The following ANKRD28 variants were observed in gnomAD, a reference collection of about 807,000 sequenced individuals.
ANKRD28 encodes the protein serine/threonine-protein phosphatase 6 regulatory ankyrin repeat subunit A.
In ANKRD28, 44 loss-of-function variants were observed where a neutral mutation model predicts 126.5. That is an observed-to-expected ratio of 0.35 (90% CI 0.27 to 0.45). The LOEUF (loss-of-function observed/expected upper bound fraction) is 0.45, where lower values mean the gene tolerates loss of function less well. ANKRD28 is among the 20% of genes least tolerant of loss of function. The probability of loss-of-function intolerance (pLI) is 1.00; values close to 1 mark genes in which losing one functional copy is unlikely to be tolerated. For missense variants in ANKRD28, 1,110 were observed against 1,316.6 expected (o/e 0.84, Z 2.43); for synonymous variants, 442 against 468.5 (o/e 0.94, Z 0.73).
chr3:15,828,767 G>A (rs1228924914), intron 1 of ANKRD28, among the ~76,000 whole-genome samples: 1 of 152,098 alleles, frequency 6.6e-6, no homozygotes, highest in East Asian at 1.9e-4. Flanking sequence ...CTTGTTCACT[G>A]ACTTCACAGA....
rs1393025990 is a variant in ANKRD28, at chr3:15,796,537, A to G, written c.-16T>C. The G allele has an allele frequency of 2.4e-6, 3 of 1,276,588 alleles. No homozygotes were observed. The African/African-American group carries it at 4.6e-5, about 20-fold the overall frequency. The allele number at this position is 1,276,588 out of a possible 1,614,324, so 79.1% of individuals were successfully genotyped here. The stretch of plus-strand genomic sequence containing the variant: ...CTCGACTCATTCGATCTTTTAAAAC[A>G]CTAAATTCCAAGCTATGTGATAAAA... On this transcript the variant is annotated 5_prime_UTR_variant, in exon 1 of 28. Coordinates refer to ENST00000683139, the MANE Select transcript of ANKRD28 (RefSeq NM_001349278.2).
At position 15,695,228 on chromosome 3, in the gene ANKRD28, C is replaced by A; in HGVS notation, c.1660-14G>T. On this transcript the variant is annotated splice_polypyrimidine_tract_variant and intron_variant, in intron 15 of 27. Coordinates refer to ENST00000683139, the MANE Select transcript of ANKRD28 (RefSeq NM_001349278.2). ...TTCACTTGCAATCTGAAATAAAAGTCAAAACAAAAATATTTAGCTTGGGAA... is the reference window on the plus strand; with the variant it reads ...TTCACTTGCAATCTGAAATAAAAGTAAAAACAAAAATATTTAGCTTGGGAA... 1 of 1,561,434 alleles carries A rather than the reference C, an allele frequency of 6.4e-7. No individual in the cohort carries two copies. The highest frequency in any genetic ancestry group is 1.2e-5 in the South Asian group (1 of 85,514).
intron 1 of ANKRD28, among the ~76,000 whole-genome samples, chr3:15,824,479 C>A (rs2061016386): frequency 6.6e-6 from 1 of 152,084 alleles, no homozygotes; most frequent in Non-Finnish European, 1.5e-5. Flanking sequence ...AACAAACTAT[C>A]AGAGCTAATG....
chr3:15,728,988 A>AC (rs1278009749), intron 6 of ANKRD28, among the ~76,000 whole-genome samples: 3 of 152,146 alleles, frequency 2.0e-5, no homozygotes, highest in Non-Finnish European at 4.4e-5. Context: ...TTACTCAAGG[A>AC]CCCAGGCTCA....
In ANKRD28 at chr3:15,714,661, G is replaced by A. The variant is rs185743315; in HGVS notation, c.997-5C>T. 7.6e-6 allele frequency: 12 copies of A among 1,576,954 alleles called. No individual in the cohort carries two copies. The highest frequency in any genetic ancestry group is 6.0e-5 in the Admixed American group (3 of 49,820). ...TGGGGTTTTCCCATCTTTACTCTGG[G>A]GGGGGAAGAAAAAAATTACTCACTC... On this transcript the variant is annotated splice_region_variant and splice_polypyrimidine_tract_variant and intron_variant, in intron 8 of 27. Coordinates refer to ENST00000683139, the MANE Select transcript of ANKRD28 (RefSeq NM_001349278.2).
chr3:15,760,939 GA>G (rs1390013750), intron 3 of ANKRD28, among the ~76,000 whole-genome samples: 3 of 152,070 alleles, frequency 2.0e-5, no homozygotes, highest in Non-Finnish European at 4.4e-5. Context: ...ACCAATTGGA[GA>G]AAATATAAAT....
intron 4 of ANKRD28, 73 bp from the exon 5 acceptor site, chr3:15,737,306 G>C (rs558209481): frequency 1.6e-6 from 2 of 1,256,254 alleles, no homozygotes; most frequent in African/African-American, 3.0e-5. Flanking sequence ...TATAGTGTGC[G>C]TGTGTGTGTA....
rs1467619511 is a variant in ANKRD28, at chr3:15,684,022, T to C, written c.2389+1204A>G. 2.6e-5 allele frequency: 4 copies of C among 152,348 alleles called. No homozygotes were observed. The East Asian group carries it at 7.7e-4, about 29-fold the overall frequency. 9.4% of individuals were successfully genotyped at this position (152,348 alleles called of 1,614,324 possible). A position where few individuals can be genotyped will look rare whatever the true frequency, so the allele number is the denominator to read the frequency against. ...ATTAGAATTGTGAACTACAGCTTTGTAGATCTGCTGTCATAATTAACATTA... is the reference window on the plus strand; with the variant it reads ...ATTAGAATTGTGAACTACAGCTTTGCAGATCTGCTGTCATAATTAACATTA... On this transcript the variant is annotated intron_variant, in intron 21 of 27. Coordinates refer to ENST00000683139, the MANE Select transcript of ANKRD28 (RefSeq NM_001349278.2).
At position 15,715,570 on chromosome 3, in the gene ANKRD28, C is replaced by T. The variant is rs528539741; in HGVS notation, c.997-914G>A. On this transcript the variant is annotated intron_variant, in intron 8 of 27. Coordinates refer to ENST00000683139, the MANE Select transcript of ANKRD28 (RefSeq NM_001349278.2). ...AAGTTCTAATCTTTTGGAGGCAGTACGAGAAAGGAAGGGGAGGAGGAGAGA... is the reference window on the plus strand; with the variant it reads ...AAGTTCTAATCTTTTGGAGGCAGTATGAGAAAGGAAGGGGAGGAGGAGAGA... Among the ~76,000 whole-genome samples, 42 of 152,174 alleles carry T rather than the reference C, an allele frequency of 2.8e-4. 5 individuals carry two copies. The highest frequency in any genetic ancestry group is 1.0e-3 in the Admixed American group (16 of 15,274).
intron 3 of ANKRD28, among the ~76,000 whole-genome samples, chr3:15,761,375 A>G (rs2058447427): frequency 6.6e-6 from 1 of 152,090 alleles, no homozygotes; most frequent in East Asian, 1.9e-4. Context: ...TTTTTTTCTC[A>G]TCTTTACCTA....
chr3:15,857,676 T>A (rs1226933443), intron 1 of ANKRD28, among the ~76,000 whole-genome samples: 1 of 152,218 alleles, frequency 6.6e-6, no homozygotes, highest in African/African-American at 2.4e-5. Flanking sequence ...ACAACTGCAA[T>A]TCCAAAATAA....
rs147710728 is a variant in ANKRD28, at chr3:15,720,218, C to CAA, written c.996+695_996+696dup. Among the ~76,000 whole-genome samples the CAA allele has an allele frequency of 1.4e-3, 215 of 150,804 alleles. 1 individual carries two copies. The highest frequency in any genetic ancestry group is 4.5e-3 in the African/African-American group (183 of 41,120). ...TGCTTACTCTTGAAAGTGATTCTAA[C>CAA]AAAAAAAAACCAAAAAGCAACTATT... is the stretch of plus-strand genomic sequence containing the variant. On this transcript the variant is annotated intron_variant, in intron 8 of 27. Transcript: ENST00000683139.
In ANKRD28 at chr3:15,796,760, CA is replaced by C. The variant is rs754984301; in HGVS notation, c.-240del. 9.1e-6 allele frequency: 9 copies of C among 987,718 alleles called. No homozygotes were observed. The highest frequency in any genetic ancestry group is 1.1e-5 in the Non-Finnish European group (9 of 830,936). 61.2% of individuals were successfully genotyped at this position (987,718 alleles called of 1,614,324 possible). On this transcript the variant is annotated 5_prime_UTR_variant, in exon 1 of 28. It adds an upstream start codon to the 5' untranslated region. Transcript: ENST00000683139. Reference sequence around the variant, plus strand: ...TTCTATTATTTCTGTTGGATTACTGCAATACTTAAGAAGAAATTTCACACCA... The same window carrying C: ...TTCTATTATTTCTGTTGGATTACTGCATACTTAAGAAGAAATTTCACACCA...
chr3:15,725,725 G>A (rs980477335), intron 6 of ANKRD28, among the ~76,000 whole-genome samples: 1 of 151,950 alleles, frequency 6.6e-6, no homozygotes, highest in African/African-American at 2.4e-5. Flanking sequence ...AATTGTTTTG[G>A]GGCATCACAA....
chr3:15,749,102 T>G (rs1432372457), intron 4 of ANKRD28, among the ~76,000 whole-genome samples: 1 of 24,236 alleles, frequency 4.1e-5, no homozygotes, highest in African/African-American at 7.3e-5. Flanking sequence ...TATGTTTTTG[T>G]TTTTTTTTTT....
intron 2 of ANKRD28, among the ~76,000 whole-genome samples, chr3:15,782,269 A>G (rs2059574410): frequency 6.6e-6 from 1 of 152,118 alleles, no homozygotes; most frequent in African/African-American, 2.4e-5. Flanking sequence ...TGGAGCATGG[A>G]GTAGAGTACT....
At chr3:15,695,804 G>A (rs538731968) in intron 15 of ANKRD28, among the ~76,000 whole-genome samples, 6 of 152,030 alleles carry the variant, frequency 3.9e-5, no homozygotes, top group African/African-American at 1.4e-4. Context: ...CCTTTCACAG[G>A]GACTTTTATT....
intron 1 of ANKRD28, among the ~76,000 whole-genome samples, chr3:15,850,224 T>TATATATATATAGAGAGAGAGAGAG (rs1418223588): frequency 1.4e-4 from 5 of 35,108 alleles, no homozygotes; most frequent in Non-Finnish European, 1.8e-4. Context: ...TATATATATA[T>TATATATATATAGAGAGAGAGAGAG]AGAGAGAGAG....
chr3:15,696,388 T>G (rs1293017714), intron 14 of ANKRD28, 143 bp from the exon 15 acceptor site: 7 of 544,630 alleles, frequency 1.3e-5, no homozygotes, highest in Non-Finnish European at 2.2e-5. Context: ...TATAAAAATG[T>G]CATTTAAATG....
Sources: allele counts gnomAD v4.1 joint callset (sites outside exome capture counted in the v4.1 genomes callset), GRCh38; gene constraint gnomAD v4.1.1; transcripts MANE v1.5; gene names NCBI Gene and HGNC (gene_info 2026-07-23, HGNC 2026-07-21).